ACSBG1: variants seen among roughly 807,000 people sequenced by gnomAD.
ACSBG1 encodes the protein long-chain-fatty-acid--CoA ligase ACSBG1.
ACSBG1 carries 39 observed loss-of-function variants against 80.2 expected under a neutral mutation model. The ratio of observed to expected loss-of-function variants is 0.49; its 90% CI spans 0.38 to 0.64. The LOEUF (loss-of-function observed/expected upper bound fraction) is 0.64, where lower values mean the gene tolerates loss of function less well. Ranked by LOEUF, ACSBG1 falls within the 30% of genes least tolerant of loss-of-function variation. The pLI is 0.00. For missense variants in ACSBG1, 828 were observed against 966.4 expected, an observed-to-expected ratio of 0.86 and a Z score of 1.90; for synonymous variants, 392 against 379.5, an observed-to-expected ratio of 1.03 and a Z score of -0.38.
At chr15:78,204,020 A>G (rs2075191492) in intron 2 of ACSBG1, among the ~76,000 whole-genome samples, 1 of 152,154 alleles carries the variant, frequency 6.6e-6, no homozygotes, top group Non-Finnish European at 1.5e-5. Context: ...ATGAAGAGAG[A>G]TAAGGACAAG....
Position 78,174,409 on chromosome 15 carries a change from G to A in ACSBG1, c.1818C>T (p.Phe606=), listed in dbSNP as rs1276721427. 2.5e-6 allele frequency: 4 copies of A among 1,614,158 alleles called. No homozygotes were observed. Among genetic ancestry groups the A allele is most frequent in the Non-Finnish European group, 8.5e-7 (1 of 1,180,032 alleles). The part of the protein sequence containing the change: ...NAMLIGDQRK[F]LSMLLTLKCT... Reference sequence around the variant, plus strand: ...CCTTCAAGGTGAGCAGCATGGACAGGAACTTCCTCTGGTCCCCAATGAGCA... The same window carrying A: ...CCTTCAAGGTGAGCAGCATGGACAGAAACTTCCTCTGGTCCCCAATGAGCA... The change falls in exon 12 of 14, where the codon TTC becomes TTT. Residue 606 remains phenylalanine, a synonymous_variant. Coordinates refer to ENST00000258873, the MANE Select transcript of ACSBG1 (RefSeq NM_015162.5).
intron 2 of ACSBG1, among the ~76,000 whole-genome samples, chr15:78,200,193 G>A (rs969894313): frequency 1.3e-5 from 2 of 152,134 alleles, no homozygotes; most frequent in Non-Finnish European, 2.9e-5. Flanking sequence ...TATCCTTCCT[G>A]GAAGGAGGGA....
At chr15:78,209,606 CCT>C (rs954479445) in intron 1 of ACSBG1, among the ~76,000 whole-genome samples, 3 of 152,160 alleles carry the variant, frequency 2.0e-5, no homozygotes, top group East Asian at 1.9e-4. Flanking sequence ...CCAAATGGCC[CCT>C]GAGCTCTGGG....
Position 78,180,785 on chromosome 15 carries a change from G to C in ACSBG1, c.1223C>G (p.Thr408Ser). The C allele has an allele frequency of 6.2e-7, 1 of 1,614,140 alleles. No individual in the cohort carries two copies. The highest frequency in any genetic ancestry group is 8.5e-7 in the Non-Finnish European group (1 of 1,180,024). Residue 408 changes from threonine to serine, a missense_variant, in exon 9 of 14, where the codon ACC becomes AGC. Transcript: ENST00000258873. Reference protein sequence around the residue: ...RKMLLWAMSVTLEQNLTCPGS... With the variant: ...RKMLLWAMSVSLEQNLTCPGS... ...GGGGCAGGTGAGGTTCTGCTCCAAG[G>C]TCACCGACATGGCCCACAGCAGCAT...
intron 8 of ACSBG1, among the ~76,000 whole-genome samples, chr15:78,181,411 C>CT (rs2074941902): frequency 6.6e-6 from 1 of 151,102 alleles, no homozygotes; most frequent in African/African-American, 2.4e-5. Flanking sequence ...TGGTGATACT[C>CT]TGAGGATGCC....
chr15:78,208,409 C>T (rs550179587), intron 1 of ACSBG1, among the ~76,000 whole-genome samples: 5 of 152,276 alleles, frequency 3.3e-5, no homozygotes, highest in Admixed American at 6.5e-5. Flanking sequence ...GTTCATGCCT[C>T]TCTCGGGGTC....
chr15:78,231,685 C>A (rs1353936123), intron 1 of ACSBG1, among the ~76,000 whole-genome samples: 2 of 152,086 alleles, frequency 1.3e-5, no homozygotes, highest in Non-Finnish European at 1.5e-5. Context: ...CACTCCTGGG[C>A]TCAAGCGATC....
Position 78,226,793 on chromosome 15 carries a change from T to TATATATATATATATA in ACSBG1, c.131+7577_131+7578insTATATATATATATAT, listed in dbSNP as rs71148506. Among the ~76,000 whole-genome samples, 6 of 129,002 alleles carry TATATATATATATATA rather than the reference T, an allele frequency of 4.7e-5. No homozygotes were observed. The Admixed American group carries it at 4.7e-4, about 10-fold the overall frequency. 84.6% of individuals were successfully genotyped at this position (129,002 alleles called of 152,430 possible). A position where few individuals can be genotyped will look rare whatever the true frequency, so the allele number is the denominator to read the frequency against. ...AGTAGAACACATAGAAAAATATATA[T>TATATATATATATATA]ATATATATAATATATATATATGACC... On this transcript the variant is annotated intron_variant, in intron 1 of 13. Transcript: ENST00000258873.
chr15:78,177,469 C>A lies in ACSBG1; in HGVS notation c.1702+1145G>T, dbSNP rs1053149143. On this transcript the variant is annotated intron_variant, in intron 11 of 13. Coordinates refer to ENST00000258873, the MANE Select transcript of ACSBG1 (RefSeq NM_015162.5). This position sits in a 1 kb window ranked among gnomAD's most constrained non-coding sequence, Gnocchi z 4.1. ...ACTATACTAGTTCTAAAAGGAGGGC[C>A]GGCTCTGGTTGAATTTGGTTTTCTG... Among the ~76,000 whole-genome samples, 2 of 152,144 alleles carry A rather than the reference C, an allele frequency of 1.3e-5. No individual in the cohort carries two copies. Among genetic ancestry groups the A allele is most frequent in the East Asian group, 1.9e-4 (1 of 5,200 alleles).
At chr15:78,179,972 A>G (rs573588348) in intron 9 of ACSBG1, among the ~76,000 whole-genome samples, 192 bp from the exon 10 acceptor site, 1 of 152,334 alleles carries the variant, frequency 6.6e-6, no homozygotes, top group Admixed American at 6.5e-5. Flanking sequence ...AGATGTAGGT[A>G]TGCAGGCACA....
chr15:78,219,508 A>G (rs1246928949), intron 1 of ACSBG1, among the ~76,000 whole-genome samples: 1 of 152,172 alleles, frequency 6.6e-6, no homozygotes, highest in East Asian at 1.9e-4. Flanking sequence ...AGCACAAAAC[A>G]TTATTGAATG....
At chr15:78,216,332 G>T (rs1431436407) in intron 1 of ACSBG1, among the ~76,000 whole-genome samples, 1 of 152,160 alleles carries the variant, frequency 6.6e-6, no homozygotes, top group African/African-American at 2.4e-5. Context: ...TTGCAGGGTT[G>T]CTGGGCCCAG....
chr15:78,181,119 A>C (rs1595882192), intron 8 of ACSBG1, 183 bp from the exon 9 acceptor site: 4 of 688,206 alleles, frequency 5.8e-6, no homozygotes, highest in South Asian at 2.1e-5. Flanking sequence ...TGCTCACAGA[A>C]CCCTGGTGGC....
intron 5 of ACSBG1, among the ~76,000 whole-genome samples, chr15:78,187,664 G>T (rs1428526335): frequency 6.6e-6 from 1 of 152,166 alleles, no homozygotes; most frequent in Admixed American, 6.5e-5. Flanking sequence ...AGGTATTGAT[G>T]GGATGTATCT....
intron 1 of ACSBG1, among the ~76,000 whole-genome samples, chr15:78,218,867 A>G (rs1567097963): frequency 7.3e-6 from 1 of 137,632 alleles, no homozygotes; most frequent in African/African-American, 2.8e-5. Context: ...GCTGGAGTGC[A>G]GTGGCGCGAT....
At chr15:78,223,642 T>C (rs989158692) in intron 1 of ACSBG1, among the ~76,000 whole-genome samples, 2 of 152,128 alleles carry the variant, frequency 1.3e-5, no homozygotes, top group African/African-American at 2.4e-5. Context: ...CAACAGCCAG[T>C]GTGGTAAGTT....
At chr15:78,181,269 G>A (rs2074940557) in intron 8 of ACSBG1, among the ~76,000 whole-genome samples, 1 of 152,146 alleles carries the variant, frequency 6.6e-6, no homozygotes, top group African/African-American at 2.4e-5. Flanking sequence ...GTGACACTTT[G>A]GGACACTGAG....
intron 1 of ACSBG1, among the ~76,000 whole-genome samples, chr15:78,218,317 G>A (rs2075329604): frequency 6.6e-6 from 1 of 152,132 alleles, no homozygotes; most frequent in South Asian, 2.1e-4. Flanking sequence ...GCTTCTGCCA[G>A]TGGAGGCATT....
intron 1 of ACSBG1, chr15:78,212,513 C>A (rs1233694603): frequency 2.2e-6 from 1 of 454,976 alleles, no homozygotes; most frequent in South Asian, 1.6e-5. Context: ...GGCTGCGGGG[C>A]AGGAGGCGGG....
Sources: allele counts gnomAD v4.1 joint callset (sites outside exome capture counted in the v4.1 genomes callset), GRCh38; gene constraint gnomAD v4.1.1; non-coding constraint Gnocchi (gnomAD v3.1); transcripts MANE v1.5; gene names NCBI Gene and HGNC (gene_info 2026-07-23, HGNC 2026-07-21).